The following RABGAP1 variants were observed in gnomAD, a reference collection of about 807,000 sequenced individuals.
RABGAP1 encodes rab GTPase-activating protein 1.
Under a neutral mutation model 137.6 loss-of-function variants are expected in RABGAP1, and 23 were observed. That is an observed-to-expected ratio of 0.17 (90% CI 0.12 to 0.24). The LOEUF (loss-of-function observed/expected upper bound fraction) is 0.24. Ranked by LOEUF, RABGAP1 falls within the 10% of genes least tolerant of loss-of-function variation. The pLI is 1.00. For synonymous variants in RABGAP1, 451 were observed against 450.7 expected, an observed-to-expected ratio of 1.00 and a Z score of -0.01; for missense variants, 906 against 1,275.8, an observed-to-expected ratio of 0.71 and a Z score of 4.42.
intron 2 of RABGAP1, among the ~76,000 whole-genome samples, chr9:122,970,964 A>T (rs1195334886): frequency 6.6e-6 from 1 of 152,222 alleles, no homozygotes; most frequent in African/African-American, 2.4e-5. Flanking sequence ...TGAAAGCTGG[A>T]ACTATACATA....
chr9:123,008,560 AAAG>A (rs372206525), intron 10 of RABGAP1, among the ~76,000 whole-genome samples: 2,200 of 151,682 alleles, frequency 0.015, 22 homozygotes, highest in South Asian at 0.061. Context: ...AAAAAAAAAA[AAAG>A]AGCTATTGCT....
Position 123,098,798 on chromosome 9 carries a change from G to T in RABGAP1, c.2817G>T (p.Gln939His), listed in dbSNP as rs1276520430. The T allele has an allele frequency of 6.2e-7, 1 of 1,612,342 alleles. No individual in the cohort carries two copies. Among genetic ancestry groups the T allele is most frequent in the Non-Finnish European group, 8.5e-7 (1 of 1,178,748 alleles). The change falls in exon 23 of 26, where the codon CAG becomes CAT. Residue 939 changes from glutamine (Q) to histidine (H), a missense_variant and splice_region_variant. Around this residue, in one of 9 missense-constraint regions of RABGAP1, gnomAD observed 193 missense variants for 248.1 expected, o/e 0.78. Transcript: ENST00000373647. ...GTTCTATCATTGGTGACTATAAGCA[G>T]GTAGGTTCCAGTACCCTGGGATTGG... ...KNSSIIGDYK[Q>H]ICSQLSERLE...
At chr9:122,950,373 C>CTTTTT (rs1834164826) in intron 1 of RABGAP1, among the ~76,000 whole-genome samples, 1 of 48,800 alleles carries the variant, frequency 2.0e-5, no homozygotes, top group Admixed American at 2.4e-4. Flanking sequence ...TTTTCTTTTT[C>CTTTTT]TTTCTTTTTT....
chr9:123,031,452 T>C (rs1440485123), intron 13 of RABGAP1, among the ~76,000 whole-genome samples: 1 of 152,136 alleles, frequency 6.6e-6, no homozygotes, highest in Non-Finnish European at 1.5e-5. Flanking sequence ...AGCCATTGAC[T>C]CTTGAACAAT....
At chr9:122,954,504 A>G (rs1330500841) in intron 1 of RABGAP1, among the ~76,000 whole-genome samples, 2 of 152,210 alleles carry the variant, frequency 1.3e-5, no homozygotes, top group African/African-American at 4.8e-5. Flanking sequence ...AAATCTTCTC[A>G]GTTCCTTAGT....
intron 10 of RABGAP1, among the ~76,000 whole-genome samples, chr9:123,003,062 GAAC>G (rs1430042976): frequency 6.6e-6 from 1 of 152,158 alleles, no homozygotes; most frequent in African/African-American, 2.4e-5. Context: ...GGAAGAATTT[GAAC>G]AACTTTTCGC....
At chr9:122,943,072 CT>C (rs10582436) in intron 1 of RABGAP1, among the ~76,000 whole-genome samples, 4 of 116,172 alleles carry the variant, frequency 3.4e-5, no homozygotes, top group African/African-American at 1.7e-4. Context: ...GGTGCACTTT[CT>C]TTTTTTTTTT....
chr9:122,981,096 G>A (rs1364472246), intron 2 of RABGAP1, among the ~76,000 whole-genome samples: 1 of 152,100 alleles, frequency 6.6e-6, no homozygotes, highest in African/African-American at 2.4e-5. Flanking sequence ...GGAGTGCAGT[G>A]GCGCGATCTT....
intron 9 of RABGAP1, 95 bp from the exon 10 acceptor site, chr9:122,998,502 G>A (rs1054920695): frequency 1.1e-5 from 12 of 1,087,268 alleles, no homozygotes; most frequent in Non-Finnish European, 1.6e-5. Context: ...TATTTTGAAA[G>A]TTTATAATAA....
chr9:123,026,061 C>T (rs140367311), intron 13 of RABGAP1, among the ~76,000 whole-genome samples: 29 of 147,906 alleles, frequency 2.0e-4, no homozygotes, highest in African/African-American at 5.5e-4. Flanking sequence ...CAGTGGCTCA[C>T]GCCTGTAATC....
upstream of RABGAP1, chr9:122,938,547 A>G (rs948985506): frequency 2.0e-5 from 3 of 152,246 alleles, no homozygotes; most frequent in Admixed American, 6.5e-5. Flanking sequence ...TAGGCATTGA[A>G]ACAGACTATA....
At chr9:123,085,901 A>G (rs2034850120) in intron 19 of RABGAP1, among the ~76,000 whole-genome samples, 1 of 152,194 alleles carries the variant, frequency 6.6e-6, no homozygotes. Flanking sequence ...CTGCATCTTT[A>G]TTAAGGTAAA....
chr9:122,974,295 A>G (rs1409508569), intron 2 of RABGAP1, among the ~76,000 whole-genome samples: 1 of 152,166 alleles, frequency 6.6e-6, no homozygotes, highest in African/African-American at 2.4e-5. Flanking sequence ...TGTACAAACA[A>G]GTGAGCCTGT....
chr9:123,002,542 T>G (rs1249873359), intron 10 of RABGAP1, among the ~76,000 whole-genome samples: 2 of 151,578 alleles, frequency 1.3e-5, no homozygotes, highest in Non-Finnish European at 2.9e-5. Flanking sequence ...TATACAACCT[T>G]GGATTCAAAG....
At chr9:122,965,675 C>T (rs1003745344) in intron 2 of RABGAP1, among the ~76,000 whole-genome samples, 27 of 152,214 alleles carry the variant, frequency 1.8e-4, no homozygotes, top group African/African-American at 1.4e-4. Flanking sequence ...TGAGCCACCA[C>T]GCCCAGCCTG....
chr9:122,996,938 T>G (rs758162706), intron 8 of RABGAP1: 9 of 516,872 alleles, frequency 1.7e-5, no homozygotes, highest in African/African-American at 9.6e-5. Context: ...GTTATTAGTA[T>G]TATTCCCATT....
intron 4 of RABGAP1, among the ~76,000 whole-genome samples, chr9:122,987,567 G>A (rs969547777): frequency 2.0e-5 from 3 of 151,066 alleles, no homozygotes; most frequent in South Asian, 2.1e-4. Context: ...GTTTTATATC[G>A]TAAACCTCTT....
intron 10 of RABGAP1, among the ~76,000 whole-genome samples, chr9:123,010,069 G>A (rs192554168): frequency 6.6e-6 from 1 of 152,212 alleles, no homozygotes; most frequent in East Asian, 1.9e-4. Context: ...TGACAATATG[G>A]TTTGAAGACA....
At chr9:123,027,466 C>G (rs1554720206) in intron 13 of RABGAP1, among the ~76,000 whole-genome samples, 1 of 152,198 alleles carries the variant, frequency 6.6e-6, no homozygotes, top group Non-Finnish European at 1.5e-5. Flanking sequence ...GGCCCAGCCA[C>G]ATTTTGCTAG....
Sources: allele counts gnomAD v4.1 joint callset (sites outside exome capture counted in the v4.1 genomes callset), GRCh38; gene constraint gnomAD v4.1.1; regional missense constraint gnomAD v4.1.1; transcripts MANE v1.5; gene names NCBI Gene and HGNC (gene_info 2026-07-23, HGNC 2026-07-21).